CCDC141: variants seen among roughly 807,000 people sequenced by gnomAD.
CCDC141 encodes coiled-coil domain-containing protein 141.
Under a neutral mutation model 181.0 loss-of-function variants are expected in CCDC141, and 168 were observed. That is an observed-to-expected ratio of 0.93 (90% CI 0.82 to 1.05). The LOEUF (loss-of-function observed/expected upper bound fraction) is 1.05, where lower values mean the gene tolerates loss of function less well. CCDC141 is among the 50% of genes least tolerant of loss of function. CCDC141 has a pLI of 0.00. For synonymous variants in CCDC141, 666 were observed against 642.3 expected, an observed-to-expected ratio of 1.04 and a Z score of -0.56; for missense variants, 1,902 against 1,788.5, an observed-to-expected ratio of 1.06 and a Z score of -1.14.
rs562013018 is a variant in CCDC141, at chr2:179,048,370, G to A, written c.103-964C>T. The stretch of plus-strand genomic sequence containing the variant: ...ATGGCAGTAAGGTAAGAGGGCTGAG[G>A]AGAGGGTAGTGGGGGAACATTCTTA... On this transcript the variant is annotated intron_variant, in intron 1 of 23. Transcript: ENST00000443758. Among the ~76,000 whole-genome samples, 5 of 152,274 alleles carry A rather than the reference G, an allele frequency of 3.3e-5. No individual in the cohort carries two copies. In the East Asian group the frequency reaches 7.7e-4, roughly 23 times the overall value.
chr2:178,976,182 T>G (rs887228610), intron 3 of CCDC141, among the ~76,000 whole-genome samples: 2 of 152,190 alleles, frequency 1.3e-5, no homozygotes. Flanking sequence ...AATAGTTGGC[T>G]TGTTTTAGCA....
chr2:178,992,228 CCTT>C (rs1287642793), intron 2 of CCDC141, among the ~76,000 whole-genome samples: 12 of 151,294 alleles, frequency 7.9e-5, no homozygotes, highest in African/African-American at 2.9e-4. Flanking sequence ...GTTAATTTCA[CCTT>C]CTTATTTATA....
chr2:178,825,142 G>C (rs1028931888), downstream of CCDC141, among the ~76,000 whole-genome samples: 1 of 152,118 alleles, frequency 6.6e-6, no homozygotes, highest in African/African-American at 2.4e-5. Context: ...CAAAATAGCC[G>C]TTTGTATTTT....
At chr2:178,841,199 A>G (rs1475119748) in intron 22 of CCDC141, among the ~76,000 whole-genome samples, 2 of 152,236 alleles carry the variant, frequency 1.3e-5, no homozygotes, top group South Asian at 2.1e-4. Flanking sequence ...ATATCTCCAC[A>G]AGACAGATTG....
At chr2:179,001,059 T>A (rs1271459144) in intron 2 of CCDC141, among the ~76,000 whole-genome samples, 2 of 152,132 alleles carry the variant, frequency 1.3e-5, no homozygotes, top group African/African-American at 4.8e-5. Flanking sequence ...GCAGTGTTTC[T>A]CAATCTTGAG....
chr2:178,931,267 C>T (rs1384984685), intron 6 of CCDC141, among the ~76,000 whole-genome samples: 2 of 152,130 alleles, frequency 1.3e-5, no homozygotes, highest in African/African-American at 2.4e-5. Flanking sequence ...AGCATAGTAA[C>T]TTCTTGTAAG....
intron 2 of CCDC141, among the ~76,000 whole-genome samples, chr2:179,020,956 T>C (rs2042675851): frequency 6.6e-6 from 1 of 152,204 alleles, no homozygotes; most frequent in Admixed American, 6.5e-5. Context: ...AACCTTGATG[T>C]TGATAACAAA....
intron 14 of CCDC141, 97 bp downstream of exon 14, chr2:178,871,330 A>G: frequency 2.9e-6 from 4 of 1,359,508 alleles, no homozygotes; most frequent in Non-Finnish European, 4.0e-6. Context: ...AAAAAAATAG[A>G]AATTCACCAG....
intron 8 of CCDC141, among the ~76,000 whole-genome samples, chr2:178,895,588 A>G (rs189380878): frequency 1.9e-4 from 29 of 152,318 alleles, no homozygotes; most frequent in African/African-American, 5.8e-4. Flanking sequence ...GAATGATAAA[A>G]TCCTTAACGG....
At chr2:178,948,083 C>T (rs1362850096) in intron 5 of CCDC141, among the ~76,000 whole-genome samples, 1 of 151,852 alleles carries the variant, frequency 6.6e-6, no homozygotes, top group Non-Finnish European at 1.5e-5. Flanking sequence ...ACCTGTAGTC[C>T]CAGCTACTCA....
At chr2:178,953,664 C>A (rs1350852033) in intron 5 of CCDC141, among the ~76,000 whole-genome samples, 1 of 152,198 alleles carries the variant, frequency 6.6e-6, no homozygotes, top group Non-Finnish European at 1.5e-5. Flanking sequence ...CACAAAATCT[C>A]TTGGTGATAG....
At chr2:178,956,479 T>A (rs908814719) in intron 5 of CCDC141, among the ~76,000 whole-genome samples, 2 of 151,890 alleles carry the variant, frequency 1.3e-5, no homozygotes, top group African/African-American at 4.8e-5. Flanking sequence ...GCATGTGTGT[T>A]TTTTGTAGAT....
chr2:179,043,922 A>G (rs1427781539), intron 2 of CCDC141, among the ~76,000 whole-genome samples: 1 of 152,238 alleles, frequency 6.6e-6, no homozygotes, highest in Non-Finnish European at 1.5e-5. Flanking sequence ...GTCTCAGCCC[A>G]AAAGCTTCTG....
At chr2:178,981,569 C>A in intron 2 of CCDC141, among the ~76,000 whole-genome samples, 1 of 144,116 alleles carries the variant, frequency 6.9e-6, no homozygotes, top group African/African-American at 2.6e-5. Context: ...TATGATGTAT[C>A]AAAATTTTTA....
At position 178,878,053 on chromosome 2, in the gene CCDC141, C is replaced by T; in HGVS notation, c.1810G>A (p.Asp604Asn). ...AGCTGCCACTGCTTCTCAGCCGAGT[C>T]AGAACAATGCTTGGCTTTAGCATCA... is the stretch of plus-strand genomic sequence containing the variant. ...QDDAKAKHCS[D>N]SAEKQWQLFL... The change falls in exon 12 of 24, where the codon GAC (aspartate) becomes AAC (asparagine). Residue 604 changes from aspartate (D) to asparagine (N), a missense_variant. By Grantham distance (23) the Asp-to-Asn change is conservative. Transcript: ENST00000443758. 6.2e-7 allele frequency: 1 copy of T among 1,613,760 alleles called. No homozygotes were observed. The highest frequency in any genetic ancestry group is 8.5e-7 in the Non-Finnish European group (1 of 1,179,774).
chr2:178,866,350 T>C (rs957272642), intron 16 of CCDC141, among the ~76,000 whole-genome samples: 9 of 152,218 alleles, frequency 5.9e-5, no homozygotes, highest in East Asian at 5.8e-4. Flanking sequence ...CAGAAGAGGA[T>C]TGGAGAACAA....
At chr2:178,983,958 C>T (rs1691577353) in intron 2 of CCDC141, among the ~76,000 whole-genome samples, 1 of 149,968 alleles carries the variant, frequency 6.7e-6, no homozygotes, top group African/African-American at 2.5e-5. Flanking sequence ...TCAGGAAATA[C>T]AGAGAATGCC....
In CCDC141 at chr2:178,921,364, CCA is replaced by C. The variant is rs562083770; in HGVS notation, c.898-2459_898-2458del. Among the ~76,000 whole-genome samples the C allele has an allele frequency of 2.3e-3, 354 of 152,276 alleles. 1 individual carries two copies. The highest frequency in any genetic ancestry group is 8.0e-3 in the African/African-American group (332 of 41,556). On this transcript the variant is annotated intron_variant, in intron 6 of 23. Transcript: ENST00000443758. ...AATAGGCACTCACTAAGTGTTAGTC[CCA>C]CTTTTCTGAGCATCAGTTTTGGTTC...
At chr2:178,972,155 C>G (rs968323710) in intron 4 of CCDC141, among the ~76,000 whole-genome samples, 8 of 151,922 alleles carry the variant, frequency 5.3e-5, no homozygotes, top group South Asian at 2.1e-4. Context: ...TAATATGATC[C>G]TTCCTGTGAA....
Sources: allele counts gnomAD v4.1 joint callset (sites outside exome capture counted in the v4.1 genomes callset), GRCh38; gene constraint gnomAD v4.1.1; transcripts MANE v1.5; gene names NCBI Gene and HGNC (gene_info 2026-07-23, HGNC 2026-07-21).